EGFLAM: variants seen among roughly 807,000 people sequenced by gnomAD.
EGFLAM encodes pikachurin.
In EGFLAM, 79 loss-of-function variants were observed where a neutral mutation model predicts 113.1. The observed-to-expected ratio is 0.70, with a 90% CI of 0.58 to 0.84. The LOEUF is 0.84. EGFLAM is among the 40% of genes least tolerant of loss of function. EGFLAM has a pLI of 0.00. For synonymous variants in EGFLAM, 504 were observed against 487.6 expected, an observed-to-expected ratio of 1.03 and a Z score of -0.44; for missense variants, 1,265 against 1,291.6, an observed-to-expected ratio of 0.98 and a Z score of 0.32.
intron 6 of EGFLAM, among the ~76,000 whole-genome samples, chr5:38,376,117 T>C (rs1031175388): frequency 6.6e-6 from 1 of 152,154 alleles, no homozygotes; most frequent in African/African-American, 2.4e-5. Context: ...TTTGACCTGG[T>C]AAATCAGGCA....
intron 5 of EGFLAM, among the ~76,000 whole-genome samples, chr5:38,367,079 C>T (rs1740079829): frequency 6.6e-6 from 1 of 152,178 alleles, no homozygotes; most frequent in African/African-American, 2.4e-5. Context: ...GGGTGCCTGG[C>T]CCAACCCTAT....
intron 20 of EGFLAM, among the ~76,000 whole-genome samples, chr5:38,461,709 C>T (rs1743278978): frequency 6.6e-6 from 1 of 152,074 alleles, no homozygotes; most frequent in South Asian, 2.1e-4. Flanking sequence ...AGTGAGTCCA[C>T]CCCCTAGTGC....
intron 17 of EGFLAM, among the ~76,000 whole-genome samples, chr5:38,447,756 C>CAAA (rs540815959): frequency 1.0e-4 from 7 of 69,474 alleles, no homozygotes; most frequent in Admixed American, 1.7e-4. Flanking sequence ...AACTTTGTTT[C>CAAA]AAAAAAAAAA....
intron 6 of EGFLAM, among the ~76,000 whole-genome samples, chr5:38,385,830 A>G (rs1176165161): frequency 6.6e-6 from 1 of 152,224 alleles, no homozygotes; most frequent in Non-Finnish European, 1.5e-5. Context: ...ACAGGGATAC[A>G]TTCTGAGAAA....
chr5:38,418,305 A>C, intron 12 of EGFLAM, 50 bp downstream of exon 12: 1 of 1,593,858 alleles, frequency 6.3e-7, no homozygotes, highest in Non-Finnish European at 8.6e-7. Context: ...CTTATGTCTT[A>C]TGGGACTGCC....
At chr5:38,262,444 C>T (rs144622081) in intron 1 of EGFLAM, among the ~76,000 whole-genome samples, 10 of 152,244 alleles carry the variant, frequency 6.6e-5, no homozygotes, top group Admixed American at 4.6e-4. Flanking sequence ...ATGTAATCAC[C>T]GCCGGAATAG....
At chr5:38,434,441 A>G (rs1443029136) in intron 15 of EGFLAM, among the ~76,000 whole-genome samples, 1 of 152,212 alleles carries the variant, frequency 6.6e-6, no homozygotes, top group Non-Finnish European at 1.5e-5. Context: ...CACTTAACAT[A>G]GTGGCTGGGG....
chr5:38,377,181 G>A (rs62353606), intron 6 of EGFLAM, among the ~76,000 whole-genome samples: 11,652 of 150,960 alleles, frequency 0.077, 496 homozygotes, highest in Middle Eastern at 0.15. Flanking sequence ...GAGTGCAGTC[G>A]TGCGATCTCA....
chr5:38,306,517 T>A (rs899382383), intron 1 of EGFLAM, among the ~76,000 whole-genome samples: 2 of 152,256 alleles, frequency 1.3e-5, no homozygotes, highest in African/African-American at 2.4e-5. Context: ...GCCATTTTAC[T>A]GAATTGCAGT....
At chr5:38,462,770 T>G in intron 20 of EGFLAM, 138 bp from the exon 21 acceptor site, 1 of 978,294 alleles carries the variant, frequency 1.0e-6, no homozygotes, top group Non-Finnish European at 1.5e-6. Context: ...TTTGCTTTGA[T>G]TTCTGCAGCC....
chr5:38,353,504 C>T (rs1052338038), intron 5 of EGFLAM, among the ~76,000 whole-genome samples: 1 of 152,200 alleles, frequency 6.6e-6, no homozygotes, highest in African/African-American at 2.4e-5. Flanking sequence ...TTGATTAGCT[C>T]TGCTTCTGTG....
At chr5:38,402,994 C>A (rs1741163651) in intron 6 of EGFLAM, among the ~76,000 whole-genome samples, 1 of 152,136 alleles carries the variant, frequency 6.6e-6, no homozygotes, top group South Asian at 2.1e-4. Context: ...AGGAGAGAGA[C>A]CAAACTACTG....
chr5:38,408,868 C>T (rs1741378253), intron 9 of EGFLAM, 136 bp from the exon 10 acceptor site: 1 of 733,302 alleles, frequency 1.4e-6, no homozygotes. Context: ...TGAATTGGAG[C>T]CCACATGCTT....
At chr5:38,417,722 A>T (rs1741696836) in intron 11 of EGFLAM, among the ~76,000 whole-genome samples, 1 of 152,188 alleles carries the variant, frequency 6.6e-6, no homozygotes, top group African/African-American at 2.4e-5. Context: ...CAAAGTACAC[A>T]GTCAACTGGT....
At chr5:38,455,384 CTGTT>C (rs1743055105) in intron 19 of EGFLAM, among the ~76,000 whole-genome samples, 1 of 152,274 alleles carries the variant, frequency 6.6e-6, no homozygotes, top group African/African-American at 2.4e-5. Context: ...ATTCTTATAT[CTGTT>C]TGTTTCTACA....
intron 1 of EGFLAM, among the ~76,000 whole-genome samples, chr5:38,315,153 T>G (rs1298788457): frequency 6.6e-6 from 1 of 152,198 alleles, no homozygotes; most frequent in East Asian, 1.9e-4. Context: ...TTGCACTTTT[T>G]TCAAGTCTTA....
At chr5:38,371,212 G>T (rs1254161144) in intron 6 of EGFLAM, among the ~76,000 whole-genome samples, 3 of 152,204 alleles carry the variant, frequency 2.0e-5, no homozygotes, top group Non-Finnish European at 4.4e-5. Context: ...AGTTGAGAAT[G>T]AAAATGTTGG....
At chr5:38,332,436 C>T (rs1445186131) in intron 1 of EGFLAM, among the ~76,000 whole-genome samples, 1 of 152,040 alleles carries the variant, frequency 6.6e-6, no homozygotes, top group African/African-American at 2.4e-5. Flanking sequence ...CTCCCTCCAC[C>T]CACTCTCCCC....
chr5:38,311,416 T>A (rs1018519800), intron 1 of EGFLAM, among the ~76,000 whole-genome samples: 2 of 152,180 alleles, frequency 1.3e-5, no homozygotes. Context: ...CTTTTTAAGA[T>A]CCTATATGTA....
Sources: gnomAD v4.1 joint callset for allele counts (sites outside exome capture counted in the v4.1 genomes callset) on GRCh38, gnomAD v4.1.1 for gene constraint, MANE v1.5 for transcripts, NCBI Gene and HGNC (gene_info 2026-07-23, HGNC 2026-07-21) for gene names.